Variants in MS4A12 observed in about 807,000 individuals in gnomAD.
MS4A12 encodes membrane-spanning 4-domains subfamily A member 12.
Under a neutral mutation model 23.7 loss-of-function variants are expected in MS4A12, and 28 were observed. The ratio of observed to expected loss-of-function variants is 1.18; its 90% CI spans 0.88 to 1.62. The LOEUF (loss-of-function observed/expected upper bound fraction) is 1.62, where lower values mean the gene tolerates loss of function less well. Among genes scored for constraint, MS4A12 ranks in the 40% most tolerant of loss-of-function variants. The pLI, the probability that MS4A12 is intolerant of heterozygous loss-of-function variation, is 0.00. For missense variants in MS4A12, 342 were observed against 327.0 expected (o/e 1.05, Z -0.35); for synonymous variants, 108 against 110.1 (o/e 0.98, Z 0.12).
chr11:60,493,451 G>A (rs1236975993), intron 1 of MS4A12, among the ~76,000 whole-genome samples: 1 of 151,710 alleles, frequency 6.6e-6, no homozygotes, highest in Admixed American at 6.6e-5. Flanking sequence ...CCATGAACAT[G>A]GGCCCAAAAG....
chr11:60,493,979 T>C (rs1246320646), intron 1 of MS4A12, among the ~76,000 whole-genome samples: 2 of 152,146 alleles, frequency 1.3e-5, no homozygotes, highest in South Asian at 2.1e-4. Context: ...TTCTAATTCT[T>C]ATTTTTAAAA....
intron 2 of MS4A12, among the ~76,000 whole-genome samples, chr11:60,500,166 G>A (rs914405092): frequency 3.3e-5 from 5 of 151,552 alleles, no homozygotes; most frequent in Admixed American, 6.6e-5. Context: ...GTGTGAACCC[G>A]GGAGGCGGAG....
Position 60,497,482 on chromosome 11 carries a change from C to T in MS4A12, c.164C>T (p.Thr55Ile), listed in dbSNP as rs775828292. ...CAGCGTGCTCAGCCCTACGGCATCA[C>T]ATCTCCGGGAATCTTTGCTAGCAGT... ...GAQRAQPYGITSPGIFASSQP... is the reference protein window; with the variant it reads ...GAQRAQPYGIISPGIFASSQP... The change falls in exon 2 of 7, where the codon ACA (threonine) becomes ATA (isoleucine). Residue 55 changes from threonine to isoleucine, a missense_variant. Thr to Ile is a moderately conservative substitution (Grantham distance 89). Coordinates refer to ENST00000016913, the MANE Select transcript of MS4A12 (RefSeq NM_017716.3). The T allele has an allele frequency of 1.2e-6, 2 of 1,614,088 alleles. No individual in the cohort carries two copies. Among genetic ancestry groups the T allele is most frequent in the African/African-American group, 1.3e-5 (1 of 74,932 alleles).
intron 4 of MS4A12, among the ~76,000 whole-genome samples, chr11:60,502,937 G>A (rs1333671340): frequency 6.6e-6 from 1 of 152,086 alleles, no homozygotes; most frequent in Non-Finnish European, 1.5e-5. Context: ...CCTCTTAGAG[G>A]AGACAGCCAC....
intron 1 of MS4A12, among the ~76,000 whole-genome samples, chr11:60,495,159 A>ATT (rs5792186): frequency 4.1e-5 from 6 of 146,794 alleles, no homozygotes; most frequent in Non-Finnish European, 7.5e-5. Flanking sequence ...CACCCGGCTA[A>ATT]TTTTTTTTTT....
rs147719084 is a variant in MS4A12, at chr11:60,498,684, T to C, written c.276+1090T>C. Among the ~76,000 whole-genome samples, 79 of 152,280 alleles carry C rather than the reference T, an allele frequency of 5.2e-4. 2 individuals carry two copies. The highest frequency in any genetic ancestry group is 1.8e-3 in the African/African-American group (73 of 41,554). ...GTGTGTTAGAAGGTGTCGAATGATA[T>C]AGACAAAACAAAGAAGTGTAAAAGG... On this transcript the variant is annotated intron_variant, in intron 2 of 6. Coordinates refer to ENST00000016913, the MANE Select transcript of MS4A12 (RefSeq NM_017716.3).
chr11:60,496,316 C>A (rs543799468), intron 1 of MS4A12, among the ~76,000 whole-genome samples: 1 of 152,052 alleles, frequency 6.6e-6, no homozygotes, highest in Admixed American at 6.5e-5. Flanking sequence ...CTTTTGAAGA[C>A]CTCAAAAAAA....
intron 5 of MS4A12, among the ~76,000 whole-genome samples, chr11:60,506,047 A>G (rs559922639): frequency 6.6e-6 from 1 of 152,324 alleles, no homozygotes; most frequent in South Asian, 2.1e-4. Flanking sequence ...ATTCAGAAAC[A>G]TGGATATAAA....
chr11:60,493,262 G>A (rs1007179851), intron 1 of MS4A12, among the ~76,000 whole-genome samples: 1 of 151,838 alleles, frequency 6.6e-6, no homozygotes, highest in African/African-American at 2.4e-5. Context: ...TGTAATCCCA[G>A]CTACTCGGGG....
In MS4A12 at chr11:60,497,557, C is replaced by G. The variant is rs747462369; in HGVS notation, c.239C>G (p.Ala80Gly). ...IQMINPSVGT[A>G]VMNFKEEAKA... ...ATGATAAATCCAAGTGTGGGAACAG[C>G]AGTAATGAACTTTAAAGAAGAAGCA... Residue 80 changes from alanine to glycine, a missense_variant, in exon 2 of 7, where the codon GCA (alanine) becomes GGA (glycine). Coordinates refer to ENST00000016913, the MANE Select transcript of MS4A12 (RefSeq NM_017716.3). The G allele has an allele frequency of 3.1e-6, 5 of 1,613,960 alleles. No individual in the cohort carries two copies. The highest frequency in any genetic ancestry group is 4.2e-6 in the Non-Finnish European group (5 of 1,179,956).
At position 60,507,111 on chromosome 11, in the gene MS4A12, A is replaced by G; in HGVS notation, c.791A>G (p.Asn264Ser). The change falls in exon 7 of 7, where the codon AAT becomes AGT. Residue 264 changes from asparagine to serine, a missense_variant. By Grantham distance (46) the Asn-to-Ser change is conservative (BLOSUM62 1). Transcript: ENST00000016913. ...APPRCNNYSANAPK is the reference protein window; with the variant it reads ...APPRCNNYSASAPK ...CCCAGATGCAACAACTACTCAGCTA[A>G]TGCCCCTAAATAGTAAAAGAAAAAG... is the stretch of plus-strand genomic sequence containing the variant. 1 of 1,611,266 alleles carries G rather than the reference A, an allele frequency of 6.2e-7. No homozygotes were observed. Among genetic ancestry groups the G allele is most frequent in the African/African-American group, 1.3e-5 (1 of 74,960 alleles).
intron 2 of MS4A12, chr11:60,498,168 C>T (rs910539670): frequency 2.0e-5 from 3 of 152,396 alleles, no homozygotes; most frequent in African/African-American, 7.2e-5. Context: ...CAAAAATGCC[C>T]TACTTGTAAG....
chr11:60,496,768 A>G (rs918978850), intron 1 of MS4A12, among the ~76,000 whole-genome samples: 1 of 152,232 alleles, frequency 6.6e-6, no homozygotes, highest in Non-Finnish European at 1.5e-5. Flanking sequence ...CAGCAGAGTC[A>G]TGTTCCTTCC....
At chr11:60,500,191 A>C (rs1463889120) in intron 2 of MS4A12, among the ~76,000 whole-genome samples, 1 of 151,172 alleles carries the variant, frequency 6.6e-6, no homozygotes, top group Non-Finnish European at 1.5e-5. Flanking sequence ...CAGTGAGCCG[A>C]GATCATGCCA....
In MS4A12 at chr11:60,501,095, G is replaced by C. The variant is rs771187436; in HGVS notation, c.327G>C (p.Leu109Phe). ...GLMHIGFGIVLCLISFSFREV... is the reference protein window; with the variant it reads ...GLMHIGFGIVFCLISFSFREV... ...TGCACATTGGTTTTGGAATTGTTTT[G>C]TGTTTAATATCCTTCTCTTTTAGAG... Residue 109 changes from leucine to phenylalanine, a missense_variant, in exon 3 of 7, where the codon TTG becomes TTC. Leu to Phe is a conservative substitution (Grantham distance 22). Coordinates refer to ENST00000016913, the MANE Select transcript of MS4A12 (RefSeq NM_017716.3). The C allele has an allele frequency of 3.1e-6, 5 of 1,613,014 alleles. No homozygotes were observed. Among genetic ancestry groups the C allele is most frequent in the Non-Finnish European group, 4.2e-6 (5 of 1,179,614 alleles).
Position 60,507,381 on chromosome 11 carries a change from G to T in MS4A12, c.*257G>T. The T allele has an allele frequency of 2.3e-6, 1 of 426,716 alleles. No individual in the cohort carries two copies. The highest frequency in any genetic ancestry group is 4.2e-6 in the Non-Finnish European group (1 of 239,522). 26.4% of individuals were successfully genotyped at this position (426,716 alleles called of 1,614,324 possible). On this transcript the variant is annotated 3_prime_UTR_variant, in exon 7 of 7. Transcript: ENST00000016913. Reference sequence around the variant, plus strand: ...CTGCAACTCTCTTAAAGTTAGAAATGTTTCTGTTCATATTACTTTTTCCTT... The same window carrying T: ...CTGCAACTCTCTTAAAGTTAGAAATTTTTCTGTTCATATTACTTTTTCCTT...
chr11:60,502,098 G>A lies in MS4A12; in HGVS notation c.471+59G>A, dbSNP rs905016757. The A allele has an allele frequency of 5.4e-6, 8 of 1,485,254 alleles. 1 individual carries two copies. Among genetic ancestry groups the A allele is most frequent in the Non-Finnish European group, 6.5e-6 (7 of 1,079,256 alleles). 92.0% of individuals were successfully genotyped at this position (1,485,254 alleles called of 1,614,324 possible). ...TTAAAGATTAGCTTAACATATTGGG[G>A]AGGAAAATTGAAAAGCTGGATTTGG... is the stretch of plus-strand genomic sequence containing the variant. On this transcript the variant is annotated intron_variant, in intron 4 of 6. Coordinates refer to ENST00000016913, the MANE Select transcript of MS4A12 (RefSeq NM_017716.3).
In MS4A12 at chr11:60,497,428, T is replaced by A. The variant is rs901841938; in HGVS notation, c.110T>A (p.Ile37Asn). The change falls in exon 2 of 7, where the codon ATC becomes AAC. Residue 37 changes from isoleucine to asparagine, a missense_variant. By Grantham distance (149) the Ile-to-Asn change is moderately radical (BLOSUM62 -3). Coordinates refer to ENST00000016913, the MANE Select transcript of MS4A12 (RefSeq NM_017716.3). ...APGFQQPLGS[I>N]NLENQAQGAQ... Reference sequence around the variant, plus strand: ...GGATTTCAACAGCCTCTGGGTTCAATCAACTTAGAAAACCAAGCTCAGGGT... The same window carrying A: ...GGATTTCAACAGCCTCTGGGTTCAAACAACTTAGAAAACCAAGCTCAGGGT... 1 of 1,614,050 alleles carries A rather than the reference T, an allele frequency of 6.2e-7. No homozygotes were observed. The highest frequency in any genetic ancestry group is 1.3e-5 in the African/African-American group (1 of 74,922).
At chr11:60,502,100 G>C in intron 4 of MS4A12, 61 bp downstream of exon 4, 4 of 1,483,360 alleles carry the variant, frequency 2.7e-6, no homozygotes, top group East Asian at 4.5e-5. Context: ...ATATTGGGGA[G>C]GAAAATTGAA....
Sources: allele counts gnomAD v4.1 joint callset (sites outside exome capture counted in the v4.1 genomes callset), GRCh38; gene constraint gnomAD v4.1.1; transcripts MANE v1.5; gene names NCBI Gene and HGNC (gene_info 2026-07-23, HGNC 2026-07-21).